The following CABIN1 variants were observed in gnomAD, a reference collection of about 807,000 sequenced individuals.
The protein encoded by CABIN1 is calcineurin binding protein 1, also known as calcineurin-binding protein cabin-1.
A neutral mutation model predicts 227.7 loss-of-function variants in CABIN1; 133 were observed. That is an observed-to-expected ratio of 0.58 (90% CI 0.51 to 0.67). The LOEUF is 0.67. CABIN1 is among the 30% of genes least tolerant of loss of function. The pLI, the probability that CABIN1 is intolerant of heterozygous loss-of-function variation, is 0.00. For missense variants in CABIN1, 2,408 were observed against 2,852.5 expected (o/e 0.84, Z 3.55); for synonymous variants, 1,086 against 1,155.1 (o/e 0.94, Z 1.21).
At chr22:24,039,532 G>A (rs1158754120) in intron 4 of CABIN1, among the ~76,000 whole-genome samples, 1 of 152,198 alleles carries the variant, frequency 6.6e-6, no homozygotes, top group Non-Finnish European at 1.5e-5. Flanking sequence ...CCCAGAGAGG[G>A]AAAATTAGTT....
intron 4 of CABIN1, among the ~76,000 whole-genome samples, chr22:24,040,678 T>C (rs1416575714): frequency 6.6e-6 from 1 of 152,244 alleles, no homozygotes; most frequent in Non-Finnish European, 1.5e-5. Flanking sequence ...TTGTCTATGC[T>C]CATGTGATGA....
At chr22:24,149,557 G>A (rs182853524) in intron 29 of CABIN1, among the ~76,000 whole-genome samples, 1 of 152,178 alleles carries the variant, frequency 6.6e-6, no homozygotes, top group East Asian at 1.9e-4. Context: ...TGAAGGAATC[G>A]TAGGAATTTG....
At position 24,070,967 on chromosome 22, in the gene CABIN1, G is replaced by T. The variant is rs368746495; in HGVS notation, c.2400G>T (p.Ala800=). The change falls in exon 17 of 37, where the codon GCG becomes GCT. Residue 800 remains alanine (A), a synonymous_variant. Transcript: ENST00000263119. ...TGGGCATCGAGCAGGCCCTCTCTGCGGACAGCAGTGGTAGCATCCTGAAGG... is the reference window on the plus strand; with the variant it reads ...TGGGCATCGAGCAGGCCCTCTCTGCTGACAGCAGTGGTAGCATCCTGAAGG... ...LLMGIEQALS[A]DSSGSILKVS... 55 of 1,614,092 alleles carry T rather than the reference G, an allele frequency of 3.4e-5. No homozygotes were observed. Among genetic ancestry groups the T allele is most frequent in the Non-Finnish European group, 2.5e-5 (29 of 1,180,038 alleles).
intron 26 of CABIN1, among the ~76,000 whole-genome samples, chr22:24,102,683 C>T (rs1237675227): frequency 2.0e-5 from 3 of 152,162 alleles, no homozygotes; most frequent in South Asian, 2.1e-4. Flanking sequence ...AGGGGTGTGT[C>T]GGTGTTTCTC....
chr22:24,085,811 G>A lies in CABIN1; in HGVS notation c.3263+660G>A, dbSNP rs138952964. Among the ~76,000 whole-genome samples the A allele has an allele frequency of 3.3e-5, 5 of 152,278 alleles. No individual in the cohort carries two copies. The East Asian group carries it at 9.6e-4, about 29-fold the overall frequency. ...GGGAATATTTTTTCCTACCTAGGAG[G>A]TAAGCCTTGGGTGAAGGTCAAAAGG... is the stretch of plus-strand genomic sequence containing the variant. On this transcript the variant is annotated intron_variant, in intron 22 of 36. Transcript: ENST00000263119.
chr22:24,076,481 C>T (rs938455361), intron 19 of CABIN1, among the ~76,000 whole-genome samples, 197 bp downstream of exon 19: 4 of 152,154 alleles, frequency 2.6e-5, no homozygotes, highest in African/African-American at 9.7e-5. Flanking sequence ...ATAAGACTTT[C>T]TTGCCAGAAA....
chr22:24,085,171 GGCTAGGCTGGCT>G lies in CABIN1; in HGVS notation c.3263+23_3263+34del. ...CAATAGGTCAGTGACCAGATCATGAGGCTAGGCTGGCTGCAGGGATGACTGGGGTGACTCCAG... is the reference window on the plus strand; with the variant it reads ...CAATAGGTCAGTGACCAGATCATGAGGCAGGGATGACTGGGGTGACTCCAG... On this transcript the variant is annotated intron_variant, in intron 22 of 36. Coordinates refer to ENST00000263119, the MANE Select transcript of CABIN1 (RefSeq NM_012295.4). 1 of 1,614,036 alleles carries G rather than the reference GGCTAGGCTGGCT, an allele frequency of 6.2e-7. No individual in the cohort carries two copies. The highest frequency in any genetic ancestry group is 8.5e-7 in the Non-Finnish European group (1 of 1,179,934).
At chr22:24,118,754 C>A (rs958660190) in intron 27 of CABIN1, among the ~76,000 whole-genome samples, 1 of 152,222 alleles carries the variant, frequency 6.6e-6, no homozygotes, top group Non-Finnish European at 1.5e-5. Context: ...TGGGGCCAGC[C>A]GTGCAGCACC....
intron 13 of CABIN1, among the ~76,000 whole-genome samples, chr22:24,062,519 G>A (rs969985624): frequency 6.6e-6 from 1 of 151,826 alleles, no homozygotes; most frequent in Non-Finnish European, 1.5e-5. Flanking sequence ...CACCATGCCT[G>A]GCTAATTTTT....
In CABIN1 at chr22:24,033,410, C is replaced by T. The variant is rs1209423695; in HGVS notation, c.-74-2034C>T. ...AACTCCTGGGCTCAAGCAGTCCTTC[C>T]GCCTCAGCCTCCACAAGTGCTGGGA... On this transcript the variant is annotated intron_variant, in intron 1 of 36. Coordinates refer to ENST00000263119, the MANE Select transcript of CABIN1 (RefSeq NM_012295.4). Among the ~76,000 whole-genome samples the T allele has an allele frequency of 2.0e-5, 3 of 152,266 alleles. No homozygotes were observed. The South Asian group carries it at 6.2e-4, about 32-fold the overall frequency.
chr22:24,038,637 T>TA (rs1341896606), intron 4 of CABIN1, among the ~76,000 whole-genome samples, 176 bp downstream of exon 4: 2 of 152,342 alleles, frequency 1.3e-5, no homozygotes, highest in East Asian at 3.9e-4. Context: ...ATTGAGTTTT[T>TA]ATGAGGGTTG....
Position 24,162,731 on chromosome 22 carries a change from A to G in CABIN1, c.4747-1669A>G, listed in dbSNP as rs1019736914. Among the ~76,000 whole-genome samples, 6 of 152,210 alleles carry G rather than the reference A, an allele frequency of 3.9e-5. No individual in the cohort carries two copies. The East Asian group carries it at 9.6e-4, about 24-fold the overall frequency. On this transcript the variant is annotated intron_variant, in intron 29 of 36. Coordinates refer to ENST00000263119, the MANE Select transcript of CABIN1 (RefSeq NM_012295.4). ...GTCTATGGTTCCCTTCTGATTTTCC[A>G]TGGACTCACTGCCTGATTTGTTTGG...
At position 24,056,192 on chromosome 22, in the gene CABIN1, G is replaced by T. The variant is rs534391355; in HGVS notation, c.1094G>T (p.Gly365Val). The change falls in exon 10 of 37, where the codon GGT (glycine) becomes GTT (valine). Residue 365 changes from glycine to valine, a missense_variant and splice_region_variant. Transcript: ENST00000263119. ...ATTTTAATTTGCATTCTTTGTGAAG[G>T]TGATATTTCTGGGGGAGATAAATCC... is the stretch of plus-strand genomic sequence containing the variant. ...PGLLETGAPV[G>V]DISGGDKSKK... 90 of 1,613,688 alleles carry T rather than the reference G, an allele frequency of 5.6e-5. No individual in the cohort carries two copies. Among genetic ancestry groups the T allele is most frequent in the Non-Finnish European group, 2.1e-5 (25 of 1,179,836 alleles).
At chr22:24,116,321 A>G (rs1466702669) in intron 27 of CABIN1, among the ~76,000 whole-genome samples, 11 of 152,270 alleles carry the variant, frequency 7.2e-5, no homozygotes, top group Non-Finnish European at 2.9e-5. Flanking sequence ...GCAAGAGGGT[A>G]AAACCCAAAG....
intron 23 of CABIN1, among the ~76,000 whole-genome samples, chr22:24,090,924 G>A (rs1386018294): frequency 1.3e-5 from 2 of 152,312 alleles, no homozygotes; most frequent in East Asian, 3.9e-4. Context: ...CATGAATTTG[G>A]CTGGCAGCTG....
intron 26 of CABIN1, among the ~76,000 whole-genome samples, chr22:24,106,392 C>T (rs921262231): frequency 1.3e-5 from 2 of 152,334 alleles, no homozygotes; most frequent in Middle Eastern, 3.4e-3. Context: ...TCAGGGGCCT[C>T]CCAGAGCAGG....
intron 6 of CABIN1, among the ~76,000 whole-genome samples, chr22:24,048,524 G>A (rs950396044): frequency 1.3e-5 from 2 of 151,960 alleles, no homozygotes; most frequent in African/African-American, 4.8e-5. Flanking sequence ...GGGCTCAAAC[G>A]ATTCTCCCAC....
At chr22:24,174,999 A>G (rs925062625) in intron 34 of CABIN1, among the ~76,000 whole-genome samples, 1 of 152,214 alleles carries the variant, frequency 6.6e-6, no homozygotes, top group Non-Finnish European at 1.5e-5. Context: ...CTGTCCCACC[A>G]TCAAGCAGGC....
Position 24,066,942 on chromosome 22 carries a change from G to A in CABIN1, c.2038-45G>A, listed in dbSNP as rs763224393. The A allele has an allele frequency of 4.4e-6, 7 of 1,590,222 alleles. No homozygotes were observed. The African/African-American group carries it at 8.1e-5, about 18-fold the overall frequency. ...CACTGGCCAGATTTGGTGGGGCAGG[G>A]GCTGAGGGGTTTACCCTCATACAGC... On this transcript the variant is annotated intron_variant, in intron 15 of 36. Coordinates refer to ENST00000263119, the MANE Select transcript of CABIN1 (RefSeq NM_012295.4).
Sources: gnomAD v4.1 joint callset for allele counts (sites outside exome capture counted in the v4.1 genomes callset) on GRCh38, gnomAD v4.1.1 for gene constraint, MANE v1.5 for transcripts, NCBI Gene and HGNC (gene_info 2026-07-23, HGNC 2026-07-21) for gene names.